DPP6: variants seen among roughly 807,000 people sequenced by gnomAD.
DPP6 encodes dipeptidyl peptidase like 6, also known as A-type potassium channel modulatory protein DPP6.
DPP6 carries 69 observed loss-of-function variants against 122.6 expected under a neutral mutation model. The ratio of observed to expected loss-of-function variants is 0.56; its 90% CI spans 0.46 to 0.69. The LOEUF (loss-of-function observed/expected upper bound fraction) is 0.69. DPP6 is among the 30% of genes least tolerant of loss of function. DPP6 has a pLI of 0.00. For missense variants in DPP6, 928 were observed against 1,116.9 expected (o/e 0.83, Z 2.41); for synonymous variants, 418 against 433.1 (o/e 0.97, Z 0.43).
intron 1 of DPP6, among the ~76,000 whole-genome samples, chr7:154,351,863 A>T (rs1011203304): frequency 6.6e-6 from 1 of 152,074 alleles, no homozygotes; most frequent in African/African-American, 2.4e-5. Context: ...AGGCTACTGC[A>T]TGGCACCTCT....
At chr7:154,398,846 C>T (rs1016993938) in intron 1 of DPP6, among the ~76,000 whole-genome samples, 1 of 152,164 alleles carries the variant, frequency 6.6e-6, no homozygotes, top group Non-Finnish European at 1.5e-5. Flanking sequence ...AGAAGCAAGA[C>T]TCAGGCACAC....
intron 1 of DPP6, among the ~76,000 whole-genome samples, chr7:154,080,691 C>T (rs144594366): frequency 1.3e-5 from 2 of 151,764 alleles, no homozygotes; most frequent in African/African-American, 4.8e-5. Context: ...ACAAGGTAAA[C>T]CTCACAAAGT....
At chr7:154,247,227 C>A (rs1269402689) in intron 1 of DPP6, among the ~76,000 whole-genome samples, 1 of 152,090 alleles carries the variant, frequency 6.6e-6, no homozygotes, top group Non-Finnish European at 1.5e-5. Flanking sequence ...GCAGGAGAAT[C>A]CCTTAAACCT....
intron 1 of DPP6, among the ~76,000 whole-genome samples, chr7:154,098,465 A>G (rs762160314): frequency 3.2e-4 from 49 of 152,342 alleles, no homozygotes; most frequent in Non-Finnish European, 5.3e-4. Flanking sequence ...ACAAAATTTC[A>G]GGAGATTTAA....
chr7:154,086,650 G>T (rs868225325), intron 1 of DPP6, among the ~76,000 whole-genome samples: 3 of 141,910 alleles, frequency 2.1e-5, no homozygotes, highest in Non-Finnish European at 4.5e-5. Flanking sequence ...ATGGAGTCTC[G>T]CTCTGTCACC....
chr7:154,861,260 AATC>A (rs1803368316), intron 17 of DPP6, among the ~76,000 whole-genome samples: 1 of 152,186 alleles, frequency 6.6e-6, no homozygotes, highest in South Asian at 2.1e-4. Context: ...ATTTTTGAAA[AATC>A]ATGTTTCCCC....
intron 5 of DPP6, among the ~76,000 whole-genome samples, chr7:154,615,786 A>G (rs1237906960): frequency 6.6e-6 from 1 of 151,974 alleles, no homozygotes; most frequent in East Asian, 1.9e-4. Flanking sequence ...CCCCTTTCCT[A>G]CTCTTACCAT....
At chr7:153,749,395 C>G in the DPP6 span, among the ~76,000 whole-genome samples, 18 of 152,130 alleles carry the variant, frequency 1.2e-4, no homozygotes, top group Admixed American at 5.2e-4. The surrounding 1 kb of genome is among the most constrained non-coding windows in gnomAD (Gnocchi z 4.1). Flanking sequence ...TCAGACCCCC[C>G]TGGGCCAGAG....
intron 5 of DPP6, among the ~76,000 whole-genome samples, chr7:154,599,663 C>T (rs540303346): frequency 6.6e-6 from 1 of 151,994 alleles, no homozygotes; most frequent in South Asian, 2.1e-4. Context: ...AATGCTATCC[C>T]TCCCCCAGCC....
chr7:154,234,239 G>T (rs748169747), intron 1 of DPP6, among the ~76,000 whole-genome samples: 13 of 152,138 alleles, frequency 8.5e-5, no homozygotes, highest in African/African-American at 3.1e-4. Flanking sequence ...GGTAGCTTTG[G>T]TGCTTTGCCC....
intron 1 of DPP6, among the ~76,000 whole-genome samples, chr7:154,144,628 CA>C (rs1796002385): frequency 6.7e-6 from 1 of 150,190 alleles, no homozygotes; most frequent in African/African-American, 2.4e-5. Flanking sequence ...AGTTGAGCAT[CA>C]TACCTTTATG....
chr7:153,754,229 T>C, the DPP6 span, among the ~76,000 whole-genome samples: 3 of 152,204 alleles, frequency 2.0e-5, no homozygotes, highest in Non-Finnish European at 2.9e-5. Flanking sequence ...TCAATAGAAA[T>C]GCATTTTTTT....
chr7:153,824,124 T>C, the DPP6 span, among the ~76,000 whole-genome samples: 2 of 152,186 alleles, frequency 1.3e-5, no homozygotes, highest in African/African-American at 2.4e-5. Context: ...CGCGGTGGCT[T>C]ACGCCCATAA....
At chr7:153,768,125 A>G in the DPP6 span, among the ~76,000 whole-genome samples, 1 of 151,812 alleles carries the variant, frequency 6.6e-6, no homozygotes. Flanking sequence ...TCAATAAACC[A>G]ACATCTAGAC....
chr7:154,117,099 G>A (rs1807045511), intron 1 of DPP6, among the ~76,000 whole-genome samples: 2 of 151,702 alleles, frequency 1.3e-5, no homozygotes, highest in Admixed American at 1.3e-4. Context: ...TAGACTATCA[G>A]AAACTTGATC....
At chr7:154,000,288 C>T (rs1023882795) in intron 1 of DPP6, among the ~76,000 whole-genome samples, 1 of 152,168 alleles carries the variant, frequency 6.6e-6, no homozygotes, top group East Asian at 1.9e-4. Context: ...TAAAACTCAG[C>T]GCAGATCCCA....
At chr7:154,058,437 A>C (rs568306192) in intron 1 of DPP6, 1 of 133,764 alleles carries the variant, frequency 7.5e-6, no homozygotes, top group Non-Finnish European at 1.6e-5. Context: ...ACTGAGAGCT[A>C]TCCTCTCTTC....
chr7:154,277,160 T>A (rs1049766564), intron 1 of DPP6, among the ~76,000 whole-genome samples: 23 of 152,192 alleles, frequency 1.5e-4, no homozygotes, highest in African/African-American at 5.5e-4. Context: ...GGCAACTCAC[T>A]TTTTTTTCCA....
chr7:154,105,120 C>T lies in DPP6; in HGVS notation c.243+52057C>T, dbSNP rs374274708. 1.6e-4 allele frequency among the ~76,000 whole-genome samples: 25 copies of T among 152,322 alleles called. 1 individual carries two copies. The East Asian group carries it at 2.7e-3, about 16-fold the overall frequency. On this transcript the variant is annotated intron_variant, in intron 1 of 25. Coordinates refer to ENST00000377770, the MANE Select transcript of DPP6 (RefSeq NM_130797.4). The stretch of plus-strand genomic sequence containing the variant: ...CCAGCCTGGGTGATAGAGTGAGACT[C>T]TGTCTAAAAAACAAAACCAAAAAAA...
Sources: gnomAD v4.1 joint callset for allele counts (sites outside exome capture counted in the v4.1 genomes callset) on GRCh38, gnomAD v4.1.1 for gene constraint, Gnocchi (gnomAD v3.1) non-coding constraint, MANE v1.5 for transcripts, NCBI Gene and HGNC (gene_info 2026-07-23, HGNC 2026-07-21) for gene names.